The following KCNA2 variants were observed in gnomAD, a reference collection of about 807,000 sequenced individuals.
KCNA2 encodes potassium channel, voltage gated shaker related subfamily A, member 2.
Under a neutral mutation model 33.4 loss-of-function variants are expected in KCNA2, and 11 were observed. The observed-to-expected ratio is 0.33, with a 90% CI of 0.21 to 0.55. The LOEUF (loss-of-function observed/expected upper bound fraction) is 0.55. Among genes scored for constraint, KCNA2 ranks in the 20% least tolerant of loss-of-function variants. The pLI, the probability that KCNA2 is intolerant of heterozygous loss-of-function variation, is 0.93. For synonymous variants in KCNA2, 222 were observed against 231.3 expected, an observed-to-expected ratio of 0.96 and a Z score of 0.37; for missense variants, 291 against 621.6, an observed-to-expected ratio of 0.47 and a Z score of 5.66.
At chr1:110,624,334 T>C (rs1380393297) in intron 1 of KCNA2, among the ~76,000 whole-genome samples, 1 of 152,252 alleles carries the variant, frequency 6.6e-6, no homozygotes, top group African/African-American at 2.4e-5. Flanking sequence ...TACTGGTATA[T>C]GCTGTAACAT....
intron 1 of KCNA2, among the ~76,000 whole-genome samples, chr1:110,612,895 G>C (rs1456585413): frequency 6.6e-6 from 1 of 152,226 alleles, no homozygotes; most frequent in Non-Finnish European, 1.5e-5. Context: ...CTTGAAGTCA[G>C]ACAGGCCTGG....
At chr1:110,606,407 G>A (rs1163301526), upstream of KCNA2, 4 of 152,270 alleles carry the variant, frequency 2.6e-5, no homozygotes, top group Non-Finnish European at 4.4e-5. Flanking sequence ...CAGCGAGAGG[G>A]GGAGCCTGGA....
In KCNA2 at chr1:110,599,689, G is replaced by T. The variant is rs535554948; in HGVS notation, c.*3594C>A. On this transcript the variant is annotated 3_prime_UTR_variant, in exon 3 of 3. Transcript: ENST00000316361. ...AAATCTGTGGGCTTAGAGAATGTTGGGGACATCTTTACCCTGGTCCTGGGC... is the reference window on the plus strand; with the variant it reads ...AAATCTGTGGGCTTAGAGAATGTTGTGGACATCTTTACCCTGGTCCTGGGC... 2.0e-6 allele frequency: 2 copies of T among 985,420 alleles called. No homozygotes were observed. Among genetic ancestry groups the T allele is most frequent in the Admixed American group, 1.2e-4 (2 of 16,288 alleles). The allele number at this position is 985,420 out of a possible 1,614,324, so 61.0% of individuals were successfully genotyped here.
chr1:110,593,933 A>G lies in KCNA2; in HGVS notation c.*9350T>C. ...CAATGTAGTTACAGCTGGTGTCTAA[A>G]TTTTCAAGAAGCAAACAAATAGTTA... On this transcript the variant is annotated 3_prime_UTR_variant, in exon 3 of 3. Transcript: ENST00000316361. The G allele has an allele frequency of 1.9e-6, 3 of 1,549,540 alleles. No homozygotes were observed. The highest frequency in any genetic ancestry group is 2.6e-6 in the Non-Finnish European group (3 of 1,146,604).
Position 110,594,140 on chromosome 1 carries a change from CTCTT to C in KCNA2, c.*9139_*9142del. 7.4e-7 allele frequency: 1 copy of C among 1,356,640 alleles called. No homozygotes were observed. Among genetic ancestry groups the C allele is most frequent in the Non-Finnish European group, 9.4e-7 (1 of 1,058,962 alleles). 84.0% of individuals were successfully genotyped at this position (1,356,640 alleles called of 1,614,324 possible). On this transcript the variant is annotated 3_prime_UTR_variant, in exon 3 of 3. Coordinates refer to ENST00000316361, the MANE Select transcript of KCNA2 (RefSeq NM_004974.4). ...ATCCCAAGGAGGCTTATTTATCTAC[CTCTT>C]TGAGTTTTCAGCAATTATTAGAGAC...
At chr1:110,615,811 G>C (rs1018554866) in intron 1 of KCNA2, among the ~76,000 whole-genome samples, 3 of 152,186 alleles carry the variant, frequency 2.0e-5, no homozygotes, top group African/African-American at 7.2e-5. Context: ...ACAGCTAGGA[G>C]GAGGGACAGA....
intron 1 of KCNA2, among the ~76,000 whole-genome samples, chr1:110,613,888 C>T (rs1414037738): frequency 1.3e-5 from 2 of 152,202 alleles, no homozygotes; most frequent in African/African-American, 4.8e-5. Flanking sequence ...GTGGGCTGGA[C>T]CTCGTCCTGT....
At chr1:110,616,264 A>AT (rs1650062604) in intron 1 of KCNA2, among the ~76,000 whole-genome samples, 1 of 152,120 alleles carries the variant, frequency 6.6e-6, no homozygotes, top group Admixed American at 6.5e-5. Flanking sequence ...ACTTCCTGAG[A>AT]TGATGAGGGG....
At chr1:110,621,374 G>A (rs1397398993) in intron 1 of KCNA2, among the ~76,000 whole-genome samples, 2 of 152,168 alleles carry the variant, frequency 1.3e-5, no homozygotes, top group Non-Finnish European at 2.9e-5. Context: ...ATGGCAGAGT[G>A]AAGATAAAAT....
chr1:110,612,129 G>A (rs925014509), intron 1 of KCNA2, among the ~76,000 whole-genome samples: 1 of 152,128 alleles, frequency 6.6e-6, no homozygotes, highest in Non-Finnish European at 1.5e-5. Context: ...CAGTGTGCTC[G>A]TTGTCTTACC....
Position 110,604,531 on chromosome 1 carries a change from G to A in KCNA2, c.252C>T (p.Ser84=), listed in dbSNP as rs754576569. Residue 84 remains serine (S), a synonymous_variant, in exon 3 of 3, where the codon AGC becomes AGT. Transcript: ENST00000316361. This position sits in a 1 kb window ranked among gnomAD's most constrained non-coding sequence, Gnocchi z 7.6. Reference sequence around the variant, plus strand: ...GGTAGTAGTACAAAATGGCATCAAAGCTAGGGCGGTTCCGATCGAAAAAGT... The same window carrying A: ...GGTAGTAGTACAAAATGGCATCAAAACTAGGGCGGTTCCGATCGAAAAAGT... ...NEYFFDRNRP[S]FDAILYYYQS... is the part of the protein sequence containing the mutation. 3 of 1,614,214 alleles carry A rather than the reference G, an allele frequency of 1.9e-6. No individual in the cohort carries two copies. The highest frequency in any genetic ancestry group is 2.2e-5 in the East Asian group (1 of 44,876).
intron 1 of KCNA2, among the ~76,000 whole-genome samples, chr1:110,625,150 C>A (rs745541105): frequency 3.9e-5 from 6 of 152,222 alleles, no homozygotes; most frequent in Non-Finnish European, 8.8e-5. Flanking sequence ...GGGTCTGCTA[C>A]CTTCAGTCAG....
chr1:110,603,274 A>G lies in KCNA2; in HGVS notation c.*9T>C. ...TCCATTGAGCTGTGAGTACGGTAAT[A>G]GGTTTCAATCAGACATCAGTTAACA... On this transcript the variant is annotated 3_prime_UTR_variant, in exon 3 of 3. Transcript: ENST00000316361. The surrounding 1 kb of genome is among the most constrained non-coding windows in gnomAD (Gnocchi z 5.7). 1 of 1,591,784 alleles carries G rather than the reference A, an allele frequency of 6.3e-7. No individual in the cohort carries two copies. The highest frequency in any genetic ancestry group is 1.7e-4 in the Middle Eastern group (1 of 5,920).
intron 1 of KCNA2, among the ~76,000 whole-genome samples, chr1:110,613,324 A>G (rs56333331): frequency 0.18 from 27,177 of 152,202 alleles, 3,465 homozygotes; most frequent in East Asian, 0.41. Context: ...ATCTGCACGC[A>G]GTCTTCCACT....
chr1:110,601,444 G>A lies in KCNA2; in HGVS notation c.*1839C>T. On this transcript the variant is annotated 3_prime_UTR_variant, in exon 3 of 3. Transcript: ENST00000316361. ...ATGATAATAAGATCCAAGTGGCAAG[G>A]GAAGAGGTGAAAATGGAGATGATGA... 1 of 985,532 alleles carries A rather than the reference G, an allele frequency of 1.0e-6. No individual in the cohort carries two copies. Among genetic ancestry groups the A allele is most frequent in the Non-Finnish European group, 1.2e-6 (1 of 830,006 alleles). 61.0% of individuals were successfully genotyped at this position (985,532 alleles called of 1,614,324 possible). A position where few individuals can be genotyped will look rare whatever the true frequency, so the allele number is the denominator to read the frequency against.
rs1649096104 is a variant in KCNA2 at position 110,596,319 on chromosome 1, T to C, written c.*6964A>G. ...ATAATTCTATAATTTAAAAATAGTATACATATATACATATACTATATATAT... is the reference window on the plus strand; with the variant it reads ...ATAATTCTATAATTTAAAAATAGTACACATATATACATATACTATATATAT... On this transcript the variant is annotated 3_prime_UTR_variant, in exon 3 of 3. Coordinates refer to ENST00000316361, the MANE Select transcript of KCNA2 (RefSeq NM_004974.4). The C allele has an allele frequency of 2.1e-6, 1 of 466,214 alleles. No homozygotes were observed. Among genetic ancestry groups the C allele is most frequent in the African/African-American group, 2.2e-5 (1 of 46,106 alleles). 28.9% of individuals were successfully genotyped at this position (466,214 alleles called of 1,614,324 possible).
rs1411393053 is a variant in KCNA2, at chr1:110,600,286, GT to G, written c.*2996del. The G allele has an allele frequency of 1.0e-6, 1 of 982,946 alleles. No homozygotes were observed. The highest frequency in any genetic ancestry group is 1.2e-6 in the Non-Finnish European group (1 of 829,500). 60.9% of individuals were successfully genotyped at this position (982,946 alleles called of 1,614,324 possible). The stretch of plus-strand genomic sequence containing the variant: ...TTAATGCATCGTGTGTATATACTGA[GT>G]TTGTGTGTATTTTATGTGTAGAAAC... On this transcript the variant is annotated 3_prime_UTR_variant, in exon 3 of 3. Coordinates refer to ENST00000316361, the MANE Select transcript of KCNA2 (RefSeq NM_004974.4).
At chr1:110,621,766 TAA>T (rs913198922) in intron 1 of KCNA2, among the ~76,000 whole-genome samples, 22 of 152,244 alleles carry the variant, frequency 1.4e-4, no homozygotes, top group African/African-American at 5.1e-4. Flanking sequence ...GTGAGAGACA[TAA>T]ACTACCAAAC....
intron 1 of KCNA2, among the ~76,000 whole-genome samples, chr1:110,619,304 C>T (rs185240710): frequency 1.0e-3 from 157 of 152,310 alleles, no homozygotes; most frequent in African/African-American, 3.6e-3. Flanking sequence ...CTGGCACACA[C>T]TAGGAAAACG....
Sources: gnomAD v4.1 joint callset for allele counts (sites outside exome capture counted in the v4.1 genomes callset) on GRCh38, gnomAD v4.1.1 for gene constraint, Gnocchi (gnomAD v3.1) non-coding constraint, MANE v1.5 for transcripts, NCBI Gene and HGNC (gene_info 2026-07-23, HGNC 2026-07-21) for gene names.